Variants in SLC35F6 observed in about 807,000 individuals in gnomAD.
The protein encoded by SLC35F6 is ANT2-binding protein.
Under a neutral mutation model 29.4 loss-of-function variants are expected in SLC35F6, and 26 were observed. The ratio of observed to expected loss-of-function variants is 0.89; its 90% CI spans 0.65 to 1.23. SLC35F6 has a LOEUF of 1.23. Among genes scored for constraint, SLC35F6 ranks in the 50% most tolerant of loss-of-function variants. The pLI is 0.00. For missense variants in SLC35F6, 428 were observed against 487.8 expected, an observed-to-expected ratio of 0.88 and a Z score of 1.15; for synonymous variants, 174 against 206.6, an observed-to-expected ratio of 0.84 and a Z score of 1.35.
At chr2:26,774,346 C>T in intron 2 of SLC35F6, 23 bp downstream of exon 2, 1 of 1,613,168 alleles carries the variant, frequency 6.2e-7, no homozygotes. Context: ...GTCCCTCCTA[C>T]CTCCTGTCTC....
Position 26,779,046 on chromosome 2 carries a change from T to G in SLC35F6, c.*535T>G, listed in dbSNP as rs1002937271. 6.6e-6 allele frequency: 1 copy of G among 152,464 alleles called. No individual in the cohort carries two copies. Among genetic ancestry groups the G allele is most frequent in the Non-Finnish European group, 1.5e-5 (1 of 68,454 alleles). 9.4% of individuals were successfully genotyped at this position (152,464 alleles called of 1,614,324 possible). ...ACCTCTGCCTCCCAGGTTCAAATGATTCTCCTGCCTCAGCCTCCCGAGTAG... is the reference window on the plus strand; with the variant it reads ...ACCTCTGCCTCCCAGGTTCAAATGAGTCTCCTGCCTCAGCCTCCCGAGTAG... On this transcript the variant is annotated 3_prime_UTR_variant, in exon 6 of 6. Coordinates refer to ENST00000344420, the MANE Select transcript of SLC35F6 (RefSeq NM_017877.4).
At chr2:26,766,750 CAG>C (rs1350138974) in intron 1 of SLC35F6, among the ~76,000 whole-genome samples, 1 of 152,182 alleles carries the variant, frequency 6.6e-6, no homozygotes, top group Non-Finnish European at 1.5e-5. Context: ...TGTGTGAACT[CAG>C]GGAATTCTCA....
chr2:26,764,808 C>G (rs749728369), intron 1 of SLC35F6: 7 of 985,270 alleles, frequency 7.1e-6, no homozygotes, highest in Non-Finnish European at 8.4e-6. Flanking sequence ...CTGTGCAGGC[C>G]GAGTGACCCA....
intron 1 of SLC35F6, among the ~76,000 whole-genome samples, chr2:26,768,448 C>T (rs1036876253): frequency 6.6e-6 from 1 of 151,254 alleles, no homozygotes; most frequent in East Asian, 1.9e-4. Context: ...CTGCAAGCTC[C>T]GCCTCCCGGG....
In SLC35F6 at chr2:26,776,473, G is replaced by A. The variant is rs771354518; in HGVS notation, c.637G>A (p.Gly213Ser). 1 of 1,614,172 alleles carries A rather than the reference G, an allele frequency of 6.2e-7. No individual in the cohort carries two copies. The stretch of plus-strand genomic sequence containing the variant: ...CAATGTGCACCCACTGCGGGCAGTT[G>A]GCACTGAGGGTGTGTGTGGGCACAG... ...KHNVHPLRAV[G>S]TEGLFGFVIL... Residue 213 changes from glycine to serine, a missense_variant, in exon 5 of 6, where the codon GGC becomes AGC. Gly to Ser is a moderately conservative substitution (Grantham distance 56). Coordinates refer to ENST00000344420, the MANE Select transcript of SLC35F6 (RefSeq NM_017877.4).
intron 1 of SLC35F6, among the ~76,000 whole-genome samples, chr2:26,769,860 A>G (rs1558617363): frequency 6.6e-6 from 1 of 152,220 alleles, no homozygotes. Context: ...GTGCCAGGTC[A>G]TGTATATATC....
chr2:26,770,203 G>A (rs543071123), intron 1 of SLC35F6, among the ~76,000 whole-genome samples: 12 of 152,244 alleles, frequency 7.9e-5, no homozygotes, highest in African/African-American at 2.6e-4. Flanking sequence ...CCAGGAGTTC[G>A]AGACTAGCCT....
At chr2:26,776,009 C>G (rs995753847) in intron 4 of SLC35F6, among the ~76,000 whole-genome samples, 1 of 152,192 alleles carries the variant, frequency 6.6e-6, no homozygotes, top group African/African-American at 2.4e-5. Flanking sequence ...CACAGTGACT[C>G]CCACAGGCCC....
chr2:26,764,656 C>G (rs553313818), intron 1 of SLC35F6, among the ~76,000 whole-genome samples: 1 of 152,364 alleles, frequency 6.6e-6, no homozygotes, highest in South Asian at 2.1e-4. Flanking sequence ...GTACAGCCTC[C>G]GCTCCTGTTT....
intron 1 of SLC35F6, among the ~76,000 whole-genome samples, chr2:26,767,725 G>T (rs1396125143): frequency 6.6e-6 from 1 of 152,188 alleles, no homozygotes; most frequent in Non-Finnish European, 1.5e-5. Flanking sequence ...GAAGAGCCGG[G>T]GTCAGCTGGG....
intron 1 of SLC35F6, among the ~76,000 whole-genome samples, chr2:26,765,311 C>T (rs1202419009): frequency 6.6e-6 from 1 of 152,150 alleles, no homozygotes; most frequent in Non-Finnish European, 1.5e-5. Flanking sequence ...GTGGCCAGTT[C>T]AGCTCTGATG....
chr2:26,775,757 C>T lies in SLC35F6; in HGVS notation c.535+81C>T. ...AGCCCAGCACAGACTCATACAAGCT[C>T]TGCCATGTGCCATATACCAAGCCCT... On this transcript the variant is annotated intron_variant, in intron 4 of 5. Coordinates refer to ENST00000344420, the MANE Select transcript of SLC35F6 (RefSeq NM_017877.4). This position sits in a 1 kb window ranked among gnomAD's most constrained non-coding sequence, Gnocchi z 4.6. 1.4e-6 allele frequency: 2 copies of T among 1,425,622 alleles called. No homozygotes were observed. Among genetic ancestry groups the T allele is most frequent in the Non-Finnish European group, 1.9e-6 (2 of 1,076,156 alleles). The allele number at this position is 1,425,622 out of a possible 1,614,324, so 88.3% of individuals were successfully genotyped here. A position where few individuals can be genotyped will look rare whatever the true frequency, so the allele number is the denominator to read the frequency against.
At chr2:26,764,476 G>T in intron 1 of SLC35F6, 50 bp downstream of exon 1, 2 of 1,544,540 alleles carry the variant, frequency 1.3e-6, no homozygotes, top group Non-Finnish European at 1.8e-6. Flanking sequence ...CCCGGCGCTC[G>T]TTCTACGCCT....
In SLC35F6 at chr2:26,775,575, G is replaced by A. The variant is rs1431058924; in HGVS notation, c.434G>A (p.Trp145Ter). 6.2e-7 allele frequency: 1 copy of A among 1,609,306 alleles called. No homozygotes were observed. Among genetic ancestry groups the A allele is most frequent in the Non-Finnish European group, 8.5e-7 (1 of 1,179,628 alleles). The change falls in exon 4 of 6, where the codon TGG becomes TAG. Residue 145 changes from tryptophan to a stop codon, truncating the protein, a stop_gained. Coordinates refer to ENST00000344420, the MANE Select transcript of SLC35F6 (RefSeq NM_017877.4). LOFTEE classifies it high-confidence loss of function. The surrounding 1 kb of genome is among the most constrained non-coding windows in gnomAD (Gnocchi z 4.6). ...FLGRRLVLSQ[W>*]LGILATIAGL... ...GGCCGGAGGCTGGTGCTGAGCCAGT[G>A]GCTGGGCATCCTAGCCACCATCGCG...
intron 1 of SLC35F6, among the ~76,000 whole-genome samples, chr2:26,767,000 A>G (rs1664107636): frequency 6.6e-6 from 1 of 152,164 alleles, no homozygotes. Flanking sequence ...GAAATCATCC[A>G]GTCTAATCCC....
intron 5 of SLC35F6, among the ~76,000 whole-genome samples, chr2:26,776,753 C>T (rs1218960633): frequency 6.6e-6 from 1 of 152,166 alleles, no homozygotes; most frequent in Non-Finnish European, 1.5e-5. Flanking sequence ...CACTTGTGCT[C>T]AACTGATGTC....
Position 26,764,428 on chromosome 2 carries a change from T to C in SLC35F6, c.77+2T>C, listed in dbSNP as rs1664057101. On this transcript the variant is annotated splice_donor_variant, in intron 1 of 5. Transcript: ENST00000344420. LOFTEE classifies it high-confidence loss of function. Reference sequence around the variant, plus strand: ...CTCCATCAACACGCTCTCGGCAAAGTGAGTCTGGGCCCTGCCGGGCGTGCG... The same window carrying C: ...CTCCATCAACACGCTCTCGGCAAAGCGAGTCTGGGCCCTGCCGGGCGTGCG... 1.9e-6 allele frequency: 3 copies of C among 1,550,690 alleles called. No individual in the cohort carries two copies. Among genetic ancestry groups the C allele is most frequent in the Admixed American group, 2.0e-5 (1 of 50,980 alleles).
intron 1 of SLC35F6, among the ~76,000 whole-genome samples, chr2:26,767,161 C>T (rs1476250806): frequency 6.6e-6 from 1 of 152,158 alleles, no homozygotes; most frequent in East Asian, 1.9e-4. Flanking sequence ...TGGGAGTTTC[C>T]TCTCACAGCT....
intron 1 of SLC35F6, among the ~76,000 whole-genome samples, chr2:26,765,400 C>T (rs1286414992): frequency 6.6e-6 from 1 of 152,180 alleles, no homozygotes; most frequent in Non-Finnish European, 1.5e-5. Context: ...AGGGACAGGG[C>T]CTAGCCTCCC....
Sources: gnomAD v4.1 joint callset for allele counts (sites outside exome capture counted in the v4.1 genomes callset) on GRCh38, gnomAD v4.1.1 for gene constraint, Gnocchi (gnomAD v3.1) non-coding constraint, MANE v1.5 for transcripts, NCBI Gene and HGNC (gene_info 2026-07-23, HGNC 2026-07-21) for gene names.